Variants in FAT1 observed in about 807,000 individuals in gnomAD.
FAT1 encodes protocadherin Fat 1.
Under a neutral mutation model 329.8 loss-of-function variants are expected in FAT1, and 171 were observed. The ratio of observed to expected loss-of-function variants is 0.52; its 90% CI spans 0.46 to 0.59. The LOEUF (loss-of-function observed/expected upper bound fraction) is 0.59, where lower values mean the gene tolerates loss of function less well. FAT1 is among the 20% of genes least tolerant of loss of function. The pLI, the probability that FAT1 is intolerant of heterozygous loss-of-function variation, is 0.00. For synonymous variants in FAT1, 2,233 were observed against 2,228.6 expected (o/e 1.00, Z -0.06); for missense variants, 5,672 against 5,774.4 (o/e 0.98, Z 0.57).
rs1172966254 is a variant in FAT1 at position 186,590,384 on chromosome 4, G to T, written c.13139-1164C>A. On this transcript the variant is annotated intron_variant, in intron 26 of 26. Coordinates refer to ENST00000441802, the MANE Select transcript of FAT1 (RefSeq NM_005245.4). ...ATAAGTCACCTCTTGGTTTGCTGAG[G>T]TCAGGAGCAGCCAAAGATTCTTTTG... is the stretch of plus-strand genomic sequence containing the variant. 1.0e-5 allele frequency: 13 copies of T among 1,289,558 alleles called. No individual in the cohort carries two copies. The South Asian group carries it at 1.4e-4, about 13-fold the overall frequency. The allele number at this position is 1,289,558 out of a possible 1,614,324, so 79.9% of individuals were successfully genotyped here. A position where few individuals can be genotyped will look rare whatever the true frequency, so the allele number is the denominator to read the frequency against.
upstream of FAT1, among the ~76,000 whole-genome samples, chr4:186,725,597 A>T (rs975458598): frequency 6.6e-6 from 1 of 151,862 alleles, no homozygotes; most frequent in African/African-American, 2.4e-5. The surrounding 1 kb of genome is among the most constrained non-coding windows in gnomAD (Gnocchi z 5.4). Context: ...AGGGATGGAG[A>T]TTTCAGACTT....
chr4:186,676,763 G>A lies in FAT1; in HGVS notation c.3266-13150C>T, dbSNP rs141607926. Among the ~76,000 whole-genome samples the A allele has an allele frequency of 9.4e-3, 1,429 of 152,274 alleles. 25 individuals carry two copies. Among genetic ancestry groups the A allele is most frequent in the African/African-American group, 0.033 (1,374 of 41,556 alleles). Reference sequence around the variant, plus strand: ...TCTCTCCAAAGAGACAGTTGTCTCTGGAGTCCTAGAATGCACACAGCTGGT... The same window carrying A: ...TCTCTCCAAAGAGACAGTTGTCTCTAGAGTCCTAGAATGCACACAGCTGGT... On this transcript the variant is annotated intron_variant, in intron 2 of 26. Transcript: ENST00000441802.
chr4:186,708,719 TC>T lies in FAT1; in HGVS notation c.1108del (p.Asp370MetfsTer7). 6.2e-7 allele frequency: 1 copy of T among 1,613,960 alleles called. No individual in the cohort carries two copies. Among genetic ancestry groups the T allele is most frequent in the Non-Finnish European group, 8.5e-7 (1 of 1,179,886 alleles). On this transcript the variant is annotated frameshift_variant, in exon 2 of 27. Transcript: ENST00000441802. LOFTEE classifies it high-confidence loss of function. ...TTCACTTATTTCTGCTCTGTAAACATCCTTTTCAAACTTGACTGGCCCGGCT... is the reference window on the plus strand; with the variant it reads ...TTCACTTATTTCTGCTCTGTAAACATCTTTTCAAACTTGACTGGCCCGGCT... Reference protein sequence around the residue: ...FKAGPVKFEKDVYRAEISEFA... With the variant: ...FKAGPVKFEKXVYRAEISEFA...
At chr4:186,643,490 T>C (rs1278422070) in intron 3 of FAT1, among the ~76,000 whole-genome samples, 7 of 152,182 alleles carry the variant, frequency 4.6e-5, no homozygotes, top group Non-Finnish European at 1.0e-4. Flanking sequence ...GAGTGTCCTA[T>C]GGGGGTGGCA....
chr4:186,590,311 AG>A, intron 26 of FAT1: 1 of 1,170,486 alleles, frequency 8.5e-7, no homozygotes, highest in Non-Finnish European at 1.1e-6. Context: ...CACTGGGGCA[AG>A]GCTTGACCCA....
At chr4:186,616,067 G>T (rs1739695858) in intron 11 of FAT1, among the ~76,000 whole-genome samples, 1 of 152,022 alleles carries the variant, frequency 6.6e-6, no homozygotes, top group African/African-American at 2.4e-5. Context: ...CACACCAGAT[G>T]GTCTTCCTCG....
intron 17 of FAT1, among the ~76,000 whole-genome samples, chr4:186,605,396 T>G (rs1157101493): frequency 5.0e-5 from 4 of 79,280 alleles, no homozygotes; most frequent in Admixed American, 3.5e-4. Context: ...GTGGAGACAG[T>G]GAAATGGGGA....
chr4:186,591,741 G>A (rs987460207), intron 26 of FAT1, among the ~76,000 whole-genome samples: 27 of 152,124 alleles, frequency 1.8e-4, no homozygotes, highest in Non-Finnish European at 3.4e-4. Flanking sequence ...AAGTGTAGGC[G>A]TCATCAGTAA....
chr4:186,614,291 C>T lies in FAT1; in HGVS notation c.9129G>A (p.Met3043Ile), dbSNP rs1037939149. 2 of 1,590,480 alleles carry T rather than the reference C, an allele frequency of 1.3e-6. No homozygotes were observed. Among genetic ancestry groups the T allele is most frequent in the Non-Finnish European group, 1.7e-6 (2 of 1,171,634 alleles). ...PEDVLPGKLI[M>I]QISATDADIR... is the part of the protein sequence containing the mutation. ...TGTCTGCGTCTGTAGCAGAGATCTG[C>T]ATGATCAATTTTCCAGGAAGGACGT... The change falls in exon 12 of 27, where the codon ATG becomes ATA. Residue 3043 changes from methionine (M) to isoleucine (I), a missense_variant. Met to Ile is a conservative substitution (Grantham distance 10). Transcript: ENST00000441802.
At chr4:186,703,338 C>T (rs1273915471) in intron 2 of FAT1, among the ~76,000 whole-genome samples, 1 of 152,162 alleles carries the variant, frequency 6.6e-6, no homozygotes, top group African/African-American at 2.4e-5. Flanking sequence ...AAACAGAAAA[C>T]TACGTTTCAG....
chr4:186,648,183 G>A lies in FAT1; in HGVS notation c.3581-8400C>T, dbSNP rs185424002. ...GGAACAGGTAGCTGGAGGGAAGAGAGGAGAGAGGAGGGAAGAGAGGAGACA... is the reference window on the plus strand; with the variant it reads ...GGAACAGGTAGCTGGAGGGAAGAGAAGAGAGAGGAGGGAAGAGAGGAGACA... On this transcript the variant is annotated intron_variant, in intron 3 of 26. Transcript: ENST00000441802. Among the ~76,000 whole-genome samples the A allele has an allele frequency of 2.8e-3, 429 of 152,238 alleles. 3 individuals are homozygous for A. Among genetic ancestry groups the A allele is most frequent in the African/African-American group, 9.7e-3 (404 of 41,548 alleles).
chr4:186,640,507 T>G (rs1741041746), intron 3 of FAT1, among the ~76,000 whole-genome samples: 1 of 152,212 alleles, frequency 6.6e-6, no homozygotes, highest in African/African-American at 2.4e-5. Context: ...TAATAAGGAC[T>G]ATTGAAAATA....
At chr4:186,626,785 A>G (rs1740327748) in intron 9 of FAT1, among the ~76,000 whole-genome samples, 2 of 127,832 alleles carry the variant, frequency 1.6e-5, no homozygotes, top group Non-Finnish European at 3.3e-5. Context: ...TCACCAGCCC[A>G]CAGAATGAAT....
intron 9 of FAT1, 58 bp downstream of exon 9, chr4:186,628,096 T>C (rs750646661): frequency 1.9e-6 from 3 of 1,552,308 alleles, no homozygotes; most frequent in Middle Eastern, 1.7e-4. Flanking sequence ...TTTGGAAAAG[T>C]AGAAACAGAC....
rs995649817 is a variant in FAT1 at position 186,723,799 on chromosome 4, G to C, written c.-154C>G. The C allele has an allele frequency of 7.5e-6, 1 of 132,586 alleles. No individual in the cohort carries two copies. The highest frequency in any genetic ancestry group is 2.9e-5 in the African/African-American group (1 of 34,904). 8.2% of individuals were successfully genotyped at this position (132,586 alleles called of 1,614,324 possible). Reference sequence around the variant, plus strand: ...CCGCATGGTACCTGCCGCACGAGCCGCTCCCGCGCCCTCTCCCCGCGCCCG... The same window carrying C: ...CCGCATGGTACCTGCCGCACGAGCCCCTCCCGCGCCCTCTCCCCGCGCCCG... On this transcript the variant is annotated 5_prime_UTR_variant, in exon 1 of 27. Transcript: ENST00000441802.
At chr4:186,679,623 T>C (rs1743121076) in intron 2 of FAT1, among the ~76,000 whole-genome samples, 1 of 151,520 alleles carries the variant, frequency 6.6e-6, no homozygotes. Context: ...AAACATAGCA[T>C]AGTACTTACA....
chr4:186,692,066 C>A (rs945986441), intron 2 of FAT1, among the ~76,000 whole-genome samples: 3 of 152,062 alleles, frequency 2.0e-5, no homozygotes, highest in Admixed American at 6.5e-5. Context: ...TTTCTTCCCC[C>A]CCATGTATAT....
intron 3 of FAT1, among the ~76,000 whole-genome samples, chr4:186,645,598 T>C (rs182372486): frequency 2.4e-4 from 36 of 151,204 alleles, no homozygotes; most frequent in Non-Finnish European, 4.1e-4. Context: ...AAGTCTACAT[T>C]AAAAGTGAAA....
At chr4:186,699,898 A>T (rs1744219531) in intron 2 of FAT1, among the ~76,000 whole-genome samples, 1 of 152,222 alleles carries the variant, frequency 6.6e-6, no homozygotes, top group Admixed American at 6.5e-5. Context: ...ATAGTTGTAC[A>T]CGGTAGGTAA....
Sources: gnomAD v4.1 joint callset for allele counts (sites outside exome capture counted in the v4.1 genomes callset) on GRCh38, gnomAD v4.1.1 for gene constraint, Gnocchi (gnomAD v3.1) non-coding constraint, MANE v1.5 for transcripts, NCBI Gene and HGNC (gene_info 2026-07-23, HGNC 2026-07-21) for gene names.